The following NALF1 variants were observed in gnomAD, a reference collection of about 807,000 sequenced individuals.
NALF1 encodes family with sequence similarity 155 member A.
NALF1 carries 3 observed loss-of-function variants against 48.4 expected under a neutral mutation model. That is an observed-to-expected ratio of 0.06 (90% CI 0.03 to 0.16). The LOEUF (loss-of-function observed/expected upper bound fraction) is 0.16, where lower values mean the gene tolerates loss of function less well. NALF1 is among the 10% of genes least tolerant of loss of function. The pLI is 1.00. For synonymous variants in NALF1, 262 were observed against 245.7 expected, an observed-to-expected ratio of 1.07 and a Z score of -0.62; for missense variants, 526 against 571.5, an observed-to-expected ratio of 0.92 and a Z score of 0.81.
intron 1 of NALF1, among the ~76,000 whole-genome samples, chr13:107,720,909 T>C (rs1444864978): frequency 2.0e-5 from 3 of 152,136 alleles, no homozygotes; most frequent in East Asian, 3.9e-4. Context: ...ATCCAGCACA[T>C]TCTATTTGTG....
chr13:107,473,675 T>A (rs751328386), intron 1 of NALF1, among the ~76,000 whole-genome samples: 4 of 152,150 alleles, frequency 2.6e-5, no homozygotes, highest in African/African-American at 4.8e-5. Flanking sequence ...AAGCAGACCA[T>A]CTCAGATTTA....
chr13:107,644,710 A>T (rs2138461992), intron 1 of NALF1, among the ~76,000 whole-genome samples: 1 of 146,110 alleles, frequency 6.8e-6, no homozygotes, highest in South Asian at 2.2e-4. Context: ...CAGTAGTATA[A>T]GGAAACTGTT....
At chr13:107,590,376 T>C (rs1470520234) in intron 1 of NALF1, among the ~76,000 whole-genome samples, 1 of 152,062 alleles carries the variant, frequency 6.6e-6, no homozygotes, top group African/African-American at 2.4e-5. Flanking sequence ...ATTATTGTAT[T>C]GTGAGATATT....
intron 1 of NALF1, among the ~76,000 whole-genome samples, chr13:107,839,635 A>T (rs903835752): frequency 2.4e-4 from 36 of 151,918 alleles, no homozygotes; most frequent in African/African-American, 8.7e-4. Flanking sequence ...GCAGCAGAGT[A>T]TGACCCCAAT....
At chr13:107,671,407 T>C (rs1329984991) in intron 1 of NALF1, among the ~76,000 whole-genome samples, 1 of 152,112 alleles carries the variant, frequency 6.6e-6, no homozygotes, top group Admixed American at 6.6e-5. Flanking sequence ...TGGATAATCA[T>C]TTAAGAATGA....
At chr13:107,583,483 C>A (rs1297159506) in intron 1 of NALF1, among the ~76,000 whole-genome samples, 1 of 152,000 alleles carries the variant, frequency 6.6e-6, no homozygotes. Flanking sequence ...GGATGTGTGG[C>A]CAATGATATA....
intron 1 of NALF1, among the ~76,000 whole-genome samples, chr13:107,457,910 C>A (rs193064071): frequency 2.4e-4 from 36 of 152,270 alleles, no homozygotes; most frequent in Non-Finnish European, 4.3e-4. Flanking sequence ...GTTGCTTCCA[C>A]CTTTTGTATT....
At chr13:107,377,780 C>T (rs1186789900) in intron 1 of NALF1, among the ~76,000 whole-genome samples, 2 of 152,128 alleles carry the variant, frequency 1.3e-5, no homozygotes, top group African/African-American at 4.8e-5. Context: ...CATGGAAATG[C>T]ACAGAATAGA....
In NALF1 at chr13:107,830,279, G is replaced by A. The variant is rs369321624; in HGVS notation, c.915+35403C>T. On this transcript the variant is annotated intron_variant, in intron 1 of 2. Transcript: ENST00000375915. Reference sequence around the variant, plus strand: ...TGTATCCTTCGTTCCTTTAAATGTCGTTGTTTATTTGAATATATTAAGAAT... The same window carrying A: ...TGTATCCTTCGTTCCTTTAAATGTCATTGTTTATTTGAATATATTAAGAAT... Among the ~76,000 whole-genome samples, 20 of 152,206 alleles carry A rather than the reference G, an allele frequency of 1.3e-4. No individual in the cohort carries two copies. The East Asian group carries it at 1.7e-3, about 13-fold the overall frequency.
chr13:107,263,336 G>C (rs932984183), intron 1 of NALF1, among the ~76,000 whole-genome samples: 1 of 151,110 alleles, frequency 6.6e-6, no homozygotes, highest in African/African-American at 2.4e-5. Context: ...ATGAATCTTT[G>C]CTTGATTATT....
At chr13:107,571,000 C>T (rs1877972056) in intron 1 of NALF1, among the ~76,000 whole-genome samples, 1 of 151,944 alleles carries the variant, frequency 6.6e-6, no homozygotes, top group South Asian at 2.1e-4. Context: ...GCAACACAAC[C>T]CTAAAATTAG....
At chr13:107,861,302 G>A (rs978218812) in intron 1 of NALF1, among the ~76,000 whole-genome samples, 15 of 152,142 alleles carry the variant, frequency 9.9e-5, no homozygotes, top group African/African-American at 3.4e-4. Context: ...ATCTTCTAGA[G>A]AAGCAATTCC....
chr13:107,775,064 TTTAA>T (rs1352379648), intron 1 of NALF1, among the ~76,000 whole-genome samples: 1 of 152,224 alleles, frequency 6.6e-6, no homozygotes, highest in Non-Finnish European at 1.5e-5. Flanking sequence ...ATTCTTTATT[TTTAA>T]TTATACTTTA....
intron 1 of NALF1, among the ~76,000 whole-genome samples, chr13:107,533,213 A>C (rs1187107797): frequency 2.0e-5 from 3 of 152,136 alleles, no homozygotes; most frequent in Non-Finnish European, 1.5e-5. Flanking sequence ...ACTGTTAGAA[A>C]CATTTATAGA....
intron 1 of NALF1, among the ~76,000 whole-genome samples, chr13:107,214,827 C>T (rs941033542): frequency 9.2e-5 from 14 of 152,098 alleles, no homozygotes; most frequent in Non-Finnish European, 1.5e-5. Context: ...TCTCTTTTTC[C>T]CCTGAAGCAT....
At chr13:107,399,135 C>A (rs191375225) in intron 1 of NALF1, among the ~76,000 whole-genome samples, 3,133 of 152,206 alleles carry the variant, frequency 0.021, 111 homozygotes, top group African/African-American at 0.07. Context: ...GGGGAGATGG[C>A]AGACATGAGA....
intron 1 of NALF1, among the ~76,000 whole-genome samples, chr13:107,663,123 C>A (rs1880770931): frequency 6.6e-6 from 1 of 152,076 alleles, no homozygotes; most frequent in African/African-American, 2.4e-5. Flanking sequence ...TATGTTGGTA[C>A]TATATAACTA....
chr13:107,496,564 C>T (rs1218230239), intron 1 of NALF1, among the ~76,000 whole-genome samples: 1 of 152,072 alleles, frequency 6.6e-6, no homozygotes, highest in Admixed American at 6.6e-5. Context: ...TCAGTTTTAC[C>T]ACAACATGTA....
chr13:107,672,925 T>C (rs1048488816), intron 1 of NALF1, among the ~76,000 whole-genome samples: 4 of 152,044 alleles, frequency 2.6e-5, no homozygotes, highest in Admixed American at 2.6e-4. Context: ...CACCGCCCAA[T>C]ACTTCCCTTT....
Sources: gnomAD v4.1 joint callset for allele counts (sites outside exome capture counted in the v4.1 genomes callset) on GRCh38, gnomAD v4.1.1 for gene constraint, MANE v1.5 for transcripts, NCBI Gene and HGNC (gene_info 2026-07-23, HGNC 2026-07-21) for gene names.